Variants in KIAA0825 observed in about 807,000 individuals in gnomAD.
KIAA0825 encodes the protein KIAA0825.
Under a neutral mutation model 147.6 loss-of-function variants are expected in KIAA0825, and 119 were observed. The observed-to-expected ratio is 0.81, with a 90% CI of 0.69 to 0.94. The LOEUF (loss-of-function observed/expected upper bound fraction) is 0.94, where lower values mean the gene tolerates loss of function less well. Ranked by LOEUF, KIAA0825 falls within the 40% of genes least tolerant of loss-of-function variation. The pLI is 0.00. For synonymous variants in KIAA0825, 470 were observed against 518.1 expected, an observed-to-expected ratio of 0.91 and a Z score of 1.26; for missense variants, 1,381 against 1,472.7, an observed-to-expected ratio of 0.94 and a Z score of 1.02.
intron 20 of KIAA0825, among the ~76,000 whole-genome samples, chr5:94,184,985 C>G (rs1231568017): frequency 6.6e-6 from 1 of 152,186 alleles, no homozygotes; most frequent in Non-Finnish European, 1.5e-5. Flanking sequence ...TCACAATTCT[C>G]TGGGAAGCTC....
At chr5:94,366,703 T>C (rs868526178) in intron 20 of KIAA0825, among the ~76,000 whole-genome samples, 1 of 152,236 alleles carries the variant, frequency 6.6e-6, no homozygotes, top group Admixed American at 6.5e-5. Context: ...TCCCTGTGTT[T>C]GAAATGTTTG....
At chr5:94,593,346 G>T (rs1202441947) in intron 1 of KIAA0825, 2 of 980,206 alleles carry the variant, frequency 2.0e-6, no homozygotes, top group Non-Finnish European at 3.3e-6. Context: ...TAAGTTCCTT[G>T]TCTGTCTTGA....
chr5:94,608,331 C>T (rs1030665439), intron 1 of KIAA0825, among the ~76,000 whole-genome samples: 18 of 133,100 alleles, frequency 1.4e-4, no homozygotes, highest in South Asian at 7.4e-4. Context: ...CTGCAATATC[C>T]GCTCACTGCA....
intron 12 of KIAA0825, among the ~76,000 whole-genome samples, chr5:94,458,744 C>T (rs1277684843): frequency 2.0e-5 from 3 of 148,752 alleles, no homozygotes; most frequent in Admixed American, 6.7e-5. Flanking sequence ...TGCCAGATAC[C>T]TTTTTTTTAA....
chr5:94,205,493 A>ATG (rs1772107949), intron 20 of KIAA0825, among the ~76,000 whole-genome samples: 1 of 151,558 alleles, frequency 6.6e-6, no homozygotes, highest in Admixed American at 6.6e-5. Flanking sequence ...GGGTTTCACC[A>ATG]TGTTAGCCAG....
chr5:94,303,957 T>G (rs1000909434), intron 20 of KIAA0825, among the ~76,000 whole-genome samples: 1 of 152,066 alleles, frequency 6.6e-6, no homozygotes, highest in African/African-American at 2.4e-5. Context: ...CTCGCCTCAT[T>G]TTTTGAATGA....
intron 5 of KIAA0825, among the ~76,000 whole-genome samples, chr5:94,507,022 C>A (rs185718332): frequency 1.3e-5 from 2 of 152,094 alleles, no homozygotes; most frequent in East Asian, 3.9e-4. Flanking sequence ...TCATACACAA[C>A]AAAATACCAA....
At chr5:94,266,280 G>C (rs908999182) in intron 20 of KIAA0825, among the ~76,000 whole-genome samples, 12 of 152,162 alleles carry the variant, frequency 7.9e-5, no homozygotes, top group African/African-American at 2.9e-4. Context: ...TCAGTGGTGA[G>C]ATTAACAGTT....
At chr5:94,161,610 C>G (rs1269879757) in intron 20 of KIAA0825, among the ~76,000 whole-genome samples, 1 of 152,178 alleles carries the variant, frequency 6.6e-6, no homozygotes, top group Non-Finnish European at 1.5e-5. Context: ...CTTTCTTGAG[C>G]TGTTATTTCA....
intron 20 of KIAA0825, among the ~76,000 whole-genome samples, chr5:94,338,020 A>T (rs1356148840): frequency 2.6e-5 from 4 of 152,144 alleles, no homozygotes; most frequent in Non-Finnish European, 4.4e-5. Flanking sequence ...ATGAAACCAG[A>T]AGTGGAATGG....
chr5:94,594,099 T>C (rs1176549801), intron 1 of KIAA0825: 1 of 544,378 alleles, frequency 1.8e-6, no homozygotes, highest in Non-Finnish European at 3.7e-6. Flanking sequence ...TGTTAGTGTT[T>C]CTTGGTTTCT....
chr5:94,430,288 G>A (rs1327462615), intron 14 of KIAA0825, among the ~76,000 whole-genome samples: 2 of 151,998 alleles, frequency 1.3e-5, no homozygotes, highest in African/African-American at 4.8e-5. Flanking sequence ...AACACTGCCT[G>A]GTACATACTT....
intron 20 of KIAA0825, among the ~76,000 whole-genome samples, chr5:94,265,023 T>A (rs538676177): frequency 6.6e-6 from 1 of 152,232 alleles, no homozygotes; most frequent in South Asian, 2.1e-4. Context: ...CCTCAAGTGA[T>A]CTGCCCGCCT....
chr5:94,328,240 G>T (rs1780904452), intron 20 of KIAA0825, among the ~76,000 whole-genome samples: 1 of 151,886 alleles, frequency 6.6e-6, no homozygotes, highest in Non-Finnish European at 1.5e-5. Context: ...CATATATACA[G>T]AACATAAAAA....
chr5:94,303,722 A>G (rs961124829), intron 20 of KIAA0825, among the ~76,000 whole-genome samples: 3 of 152,110 alleles, frequency 2.0e-5, no homozygotes, highest in Non-Finnish European at 4.4e-5. Flanking sequence ...TAACATAATT[A>G]GTAAACGCAT....
intron 16 of KIAA0825, among the ~76,000 whole-genome samples, chr5:94,399,660 G>A (rs1051862984): frequency 8.6e-5 from 13 of 151,946 alleles, no homozygotes; most frequent in African/African-American, 2.7e-4. Flanking sequence ...TGTCTAAGCC[G>A]TATATATGTA....
chr5:94,319,043 A>G (rs866073978), intron 20 of KIAA0825, among the ~76,000 whole-genome samples: 13 of 152,014 alleles, frequency 8.6e-5, no homozygotes, highest in Admixed American at 2.0e-4. Context: ...CTTGATATTG[A>G]TGAGAGATAA....
chr5:94,615,053 G>A (rs1790054919), intron 1 of KIAA0825, among the ~76,000 whole-genome samples: 1 of 147,968 alleles, frequency 6.8e-6, no homozygotes, highest in South Asian at 2.1e-4. Context: ...ACTTATTAGT[G>A]TCATAGCTGG....
chr5:94,616,808 G>A (rs973331853), intron 1 of KIAA0825, among the ~76,000 whole-genome samples: 1 of 152,158 alleles, frequency 6.6e-6, no homozygotes, highest in African/African-American at 2.4e-5. Flanking sequence ...CATCCCTTAA[G>A]TCCCTTTTAT....
Sources: allele counts gnomAD v4.1 joint callset (sites outside exome capture counted in the v4.1 genomes callset), GRCh38; gene constraint gnomAD v4.1.1; transcripts MANE v1.5; gene names NCBI Gene and HGNC (gene_info 2026-07-23, HGNC 2026-07-21).